Variants in RASAL2 observed in about 807,000 individuals in gnomAD.
RASAL2 encodes RAS protein activator like 2.
In RASAL2, 58 loss-of-function variants were observed where a neutral mutation model predicts 128.9. The ratio of observed to expected loss-of-function variants is 0.45; its 90% confidence interval spans 0.36 to 0.56. The LOEUF is 0.56. Among genes scored for constraint, RASAL2 ranks in the 20% least tolerant of loss-of-function variants. The probability of loss-of-function intolerance (pLI) is 0.00; values close to 1 mark genes in which losing one functional copy is unlikely to be tolerated. For synonymous variants in RASAL2, 561 were observed against 580.8 expected, an observed-to-expected ratio of 0.97 and a Z score of 0.49; for missense variants, 1,360 against 1,601.6, an observed-to-expected ratio of 0.85 and a Z score of 2.57.
At chr1:178,277,868 C>T (rs1447593337) in intron 1 of RASAL2, among the ~76,000 whole-genome samples, 4 of 152,128 alleles carry the variant, frequency 2.6e-5, no homozygotes, top group Non-Finnish European at 5.9e-5. Context: ...GGAAGATTCT[C>T]TCTGTAGAAT....
chr1:178,206,227 T>A (rs2101976010), intron 1 of RASAL2, among the ~76,000 whole-genome samples: 1 of 152,194 alleles, frequency 6.6e-6, no homozygotes, highest in Admixed American at 6.5e-5. Flanking sequence ...TAGCATTCTG[T>A]TTTGTTCTTA....
chr1:178,231,940 T>G (rs1480226854), intron 1 of RASAL2, among the ~76,000 whole-genome samples: 1 of 152,196 alleles, frequency 6.6e-6, no homozygotes, highest in African/African-American at 2.4e-5. Context: ...TGGTTGATGA[T>G]AATAGTGATA....
At chr1:178,199,644 C>T (rs986756834) in intron 1 of RASAL2, among the ~76,000 whole-genome samples, 1 of 151,996 alleles carries the variant, frequency 6.6e-6, no homozygotes, top group Admixed American at 6.6e-5. Context: ...TGAATATGTG[C>T]ACATGTGAAT....
In RASAL2 at chr1:178,100,048, C is replaced by T. The variant is rs569923616; in HGVS notation, c.202+5354C>T. ...TCAGACTTTACTGCCAGAAAAGTTGCATACAGTCTTTTGCTTTTCAGAGCT... is the reference window on the plus strand; with the variant it reads ...TCAGACTTTACTGCCAGAAAAGTTGTATACAGTCTTTTGCTTTTCAGAGCT... On this transcript the variant is annotated intron_variant, in intron 1 of 17. Coordinates refer to ENST00000367649, the MANE Select transcript of RASAL2 (RefSeq NM_170692.4). 1.5e-3 allele frequency among the ~76,000 whole-genome samples: 234 copies of T among 152,112 alleles called. 1 individual carries two copies. The highest frequency in any genetic ancestry group is 5.4e-3 in the African/African-American group (224 of 41,512).
At chr1:178,291,299 G>A (rs1667271850) in intron 2 of RASAL2, among the ~76,000 whole-genome samples, 1 of 152,176 alleles carries the variant, frequency 6.6e-6, no homozygotes, top group Non-Finnish European at 1.5e-5. Context: ...GCTATGATGA[G>A]GAATTTGGAT....
chr1:178,206,147 C>T (rs1311004427), intron 1 of RASAL2, among the ~76,000 whole-genome samples: 1 of 152,066 alleles, frequency 6.6e-6, no homozygotes, highest in African/African-American at 2.4e-5. Context: ...CCTGTCTACC[C>T]AGAAAAGCCA....
At chr1:178,440,792 C>T (rs1676591037) in intron 6 of RASAL2, among the ~76,000 whole-genome samples, 1 of 152,102 alleles carries the variant, frequency 6.6e-6, no homozygotes, top group Non-Finnish European at 1.5e-5. Flanking sequence ...TAGAAATCAA[C>T]AGGCTGGTTG....
At position 178,473,309 on chromosome 1, in the gene RASAL2, C is replaced by T; in HGVS notation, c.*70C>T. On this transcript the variant is annotated 3_prime_UTR_variant, in exon 18 of 18. Coordinates refer to ENST00000367649, the MANE Select transcript of RASAL2 (RefSeq NM_170692.4). Reference sequence around the variant, plus strand: ...TCCTATCTCCAGACCTTTACCTAGCCCCTCCAGGTTTACAGAATGTTGCTA... The same window carrying T: ...TCCTATCTCCAGACCTTTACCTAGCTCCTCCAGGTTTACAGAATGTTGCTA... 6.4e-7 allele frequency: 1 copy of T among 1,557,646 alleles called. No individual in the cohort carries two copies. Among genetic ancestry groups the T allele is most frequent in the East Asian group, 2.2e-5 (1 of 44,472 alleles).
rs1469818457 is a variant in RASAL2 at position 178,473,223 on chromosome 1, A to G, written c.3827A>G (p.Lys1276Arg). The G allele has an allele frequency of 6.2e-7, 1 of 1,614,198 alleles. No homozygotes were observed. Among genetic ancestry groups the G allele is most frequent in the Non-Finnish European group, 8.5e-7 (1 of 1,180,028 alleles). ...KLSITENGEF[K>R]NSSC ...TCCATCACGGAGAATGGTGAATTCA[A>G]AAACAGCAGCTGCTGACGGGCTTTG... The change falls in exon 18 of 18, where the codon AAA becomes AGA. Residue 1276 changes from lysine (K) to arginine (R), a missense_variant. Physicochemically the swap from Lys to Arg is conservative, Grantham distance 26. Around this residue, in one of 3 missense-constraint regions of RASAL2, gnomAD observed 741 missense variants for 868.6 expected, o/e 0.85. Transcript: ENST00000367649.
chr1:178,366,126 G>A (rs1478698918), intron 3 of RASAL2, among the ~76,000 whole-genome samples: 1 of 152,074 alleles, frequency 6.6e-6, no homozygotes, highest in East Asian at 1.9e-4. Flanking sequence ...AATGTCCTTT[G>A]TTTTAGAAAA....
intron 1 of RASAL2, among the ~76,000 whole-genome samples, chr1:178,109,916 G>A (rs1659232148): frequency 6.6e-6 from 1 of 152,062 alleles, no homozygotes; most frequent in Non-Finnish European, 1.5e-5. Flanking sequence ...TACTTGGGAG[G>A]CTGAAGCAGG....
At chr1:178,112,474 C>A (rs893962309) in intron 1 of RASAL2, among the ~76,000 whole-genome samples, 1 of 151,736 alleles carries the variant, frequency 6.6e-6, no homozygotes, top group South Asian at 2.1e-4. Flanking sequence ...TGCTTGAACC[C>A]GGGAGGTGGA....
At chr1:178,110,317 C>T (rs976521511) in intron 1 of RASAL2, among the ~76,000 whole-genome samples, 1 of 151,750 alleles carries the variant, frequency 6.6e-6, no homozygotes, top group Non-Finnish European at 1.5e-5. Context: ...GTTCCAGGGT[C>T]CCAACAGATA....
At chr1:178,270,172 GT>G (rs1330464532) in intron 1 of RASAL2, among the ~76,000 whole-genome samples, 1 of 151,328 alleles carries the variant, frequency 6.6e-6, no homozygotes, top group African/African-American at 2.4e-5. Flanking sequence ...ATACATAACT[GT>G]TTTTTTTCTT....
At chr1:178,471,325 T>C (rs1648246558) in intron 17 of RASAL2, among the ~76,000 whole-genome samples, 1 of 152,178 alleles carries the variant, frequency 6.6e-6, no homozygotes. Context: ...TAGTATTCAC[T>C]GGCCAGTTCT....
chr1:178,454,805 A>G (rs1013615694), intron 12 of RASAL2, among the ~76,000 whole-genome samples, 157 bp downstream of exon 12: 2 of 152,312 alleles, frequency 1.3e-5, no homozygotes, highest in East Asian at 3.9e-4. Flanking sequence ...AAAATATGAG[A>G]TCGACAACCA....
At chr1:178,350,705 C>A (rs1670421908) in intron 3 of RASAL2, among the ~76,000 whole-genome samples, 1 of 152,124 alleles carries the variant, frequency 6.6e-6, no homozygotes, top group South Asian at 2.1e-4. Context: ...GGACTGAGAT[C>A]CCTGTTTTTT....
At chr1:178,412,685 C>T (rs1187917069) in intron 4 of RASAL2, among the ~76,000 whole-genome samples, 1 of 152,174 alleles carries the variant, frequency 6.6e-6, no homozygotes, top group African/African-American at 2.4e-5. Context: ...AACATTATGC[C>T]ATCCCCTCGA....
chr1:178,312,815 A>T (rs1194412726), intron 3 of RASAL2, among the ~76,000 whole-genome samples: 2 of 152,244 alleles, frequency 1.3e-5, no homozygotes, highest in Admixed American at 6.5e-5. Flanking sequence ...GCAAATGAAT[A>T]ATACAAGAGA....
Sources: gnomAD v4.1 joint callset for allele counts (sites outside exome capture counted in the v4.1 genomes callset) on GRCh38, gnomAD v4.1.1 for gene constraint, gnomAD v4.1.1 regional missense constraint, MANE v1.5 for transcripts, NCBI Gene and HGNC (gene_info 2026-07-23, HGNC 2026-07-21) for gene names.